AGBL4: variants seen among roughly 807,000 people sequenced by gnomAD.
The protein encoded by AGBL4 is AGBL carboxypeptidase 4, also known as cytosolic carboxypeptidase 6.
A neutral mutation model predicts 66.4 loss-of-function variants in AGBL4; 58 were observed. The ratio of observed to expected loss-of-function variants is 0.87; its 90% CI spans 0.71 to 1.09. The LOEUF (loss-of-function observed/expected upper bound fraction) is 1.09. AGBL4 is among the 50% of genes least tolerant of loss of function. The probability of loss-of-function intolerance (pLI) is 0.00; values close to 1 mark genes in which losing one functional copy is unlikely to be tolerated. For missense variants in AGBL4, 579 were observed against 631.0 expected, an observed-to-expected ratio of 0.92 and a Z score of 0.88; for synonymous variants, 234 against 222.9, an observed-to-expected ratio of 1.05 and a Z score of -0.44.
intron 6 of AGBL4, among the ~76,000 whole-genome samples, chr1:48,771,205 G>A (rs1378718417): frequency 2.0e-5 from 3 of 152,112 alleles, no homozygotes; most frequent in African/African-American, 7.2e-5. Context: ...TCCAGATTAC[G>A]AATGTTCTTC....
intron 1 of AGBL4, among the ~76,000 whole-genome samples, chr1:49,899,041 G>A (rs1649503747): frequency 6.6e-6 from 1 of 152,066 alleles, no homozygotes; most frequent in African/African-American, 2.4e-5. Context: ...GTAGAAGAAA[G>A]AATAAGACCT....
chr1:49,731,534 T>C (rs1271711778), intron 2 of AGBL4, among the ~76,000 whole-genome samples: 1 of 152,180 alleles, frequency 6.6e-6, no homozygotes, highest in Non-Finnish European at 1.5e-5. Flanking sequence ...CTGTTTTAAA[T>C]ACGTTAAATC....
chr1:49,945,278 G>A (rs1655108023), intron 1 of AGBL4, among the ~76,000 whole-genome samples: 1 of 152,062 alleles, frequency 6.6e-6, no homozygotes, highest in Admixed American at 6.6e-5. Flanking sequence ...GTTATCTAAA[G>A]TTAAGACAAA....
intron 2 of AGBL4, among the ~76,000 whole-genome samples, chr1:49,734,501 G>T (rs1405923020): frequency 1.3e-5 from 2 of 151,952 alleles, no homozygotes; most frequent in African/African-American, 4.8e-5. Flanking sequence ...CTGTATATTA[G>T]CAATAAAACA....
intron 9 of AGBL4, among the ~76,000 whole-genome samples, chr1:48,603,564 C>T (rs935027086): frequency 6.6e-6 from 1 of 152,026 alleles, no homozygotes; most frequent in South Asian, 2.1e-4. Flanking sequence ...TTCCAAAGAC[C>T]CTTACATGGA....
intron 3 of AGBL4, among the ~76,000 whole-genome samples, chr1:49,510,324 T>C (rs1038827956): frequency 8.6e-5 from 13 of 151,868 alleles, no homozygotes; most frequent in Non-Finnish European, 1.6e-4. Flanking sequence ...TGCATTTCTC[T>C]GATGGCCAGT....
chr1:49,207,542 T>TTTTCTTTC (rs71056688), intron 4 of AGBL4, among the ~76,000 whole-genome samples: 15,164 of 77,854 alleles, frequency 0.19, 2,032 homozygotes, highest in East Asian at 0.23. Flanking sequence ...TTTTTCTTTC[T>TTTTCTTTC]TTTCTTTCTT....
Position 49,591,343 on chromosome 1 carries a change from C to T in AGBL4, c.282+105970G>A, listed in dbSNP as rs369292002. Among the ~76,000 whole-genome samples the T allele has an allele frequency of 6.8e-4, 102 of 150,818 alleles. 3 individuals carry two copies. The South Asian group carries it at 0.019, about 28-fold the overall frequency. ...TGAAAGAAGAAACATTAGTACTAGCCACACAAAAATTAAAGGAATTGTAAG... is the reference window on the plus strand; with the variant it reads ...TGAAAGAAGAAACATTAGTACTAGCTACACAAAAATTAAAGGAATTGTAAG... On this transcript the variant is annotated intron_variant, in intron 3 of 13. Transcript: ENST00000371839.
intron 5 of AGBL4, among the ~76,000 whole-genome samples, chr1:48,931,082 TG>T (rs1245757742): frequency 2.6e-5 from 4 of 152,212 alleles, no homozygotes; most frequent in Non-Finnish European, 5.9e-5. Flanking sequence ...AAAACTTAAG[TG>T]CCATCTCAAT....
At chr1:48,663,108 A>G (rs1646133425) in intron 7 of AGBL4, 44 bp downstream of exon 7, 13 of 1,575,858 alleles carry the variant, frequency 8.2e-6, no homozygotes, top group Non-Finnish European at 1.1e-5. Flanking sequence ...ACAGTGTCCC[A>G]GTTGGATGTG....
chr1:48,701,800 G>A (rs60827806), intron 6 of AGBL4, among the ~76,000 whole-genome samples: 5,135 of 152,072 alleles, frequency 0.034, 295 homozygotes, highest in African/African-American at 0.12. Context: ...GGGTTTTATT[G>A]TTGAATAAAA....
intron 4 of AGBL4, among the ~76,000 whole-genome samples, chr1:49,113,739 G>A (rs12064069): frequency 0.025 from 3,837 of 152,270 alleles, 137 homozygotes; most frequent in African/African-American, 0.088. Flanking sequence ...TGGATGTAGC[G>A]TTAGCAGGCA....
intron 6 of AGBL4, chr1:48,742,542 G>T: frequency 7.6e-7 from 1 of 1,315,256 alleles, no homozygotes; most frequent in Non-Finnish European, 9.9e-7. Flanking sequence ...GCTGCGATTT[G>T]GAAAGCTCCC....
chr1:49,890,550 G>A (rs1648540095), intron 1 of AGBL4, among the ~76,000 whole-genome samples: 1 of 152,088 alleles, frequency 6.6e-6, no homozygotes, highest in Non-Finnish European at 1.5e-5. Context: ...ATAATACTAT[G>A]GTAGATTTAT....
intron 2 of AGBL4, chr1:49,845,042 C>T: frequency 1.4e-6 from 2 of 1,444,604 alleles, no homozygotes; most frequent in Admixed American, 1.9e-5. Flanking sequence ...GACCTAAATG[C>T]TCTACAGAAA....
At position 49,438,109 on chromosome 1, in the gene AGBL4, T is replaced by C. The variant is rs1352602349; in HGVS notation, c.283-192245A>G. On this transcript the variant is annotated intron_variant, in intron 3 of 13. Transcript: ENST00000371839. ...ACTATATTACTGACTCCATTTTACA[T>C]GTGAGGAAATGGGTTTAGCTAGATG... Among the ~76,000 whole-genome samples, 6 of 152,182 alleles carry C rather than the reference T, an allele frequency of 3.9e-5. No homozygotes were observed. In the East Asian group the frequency reaches 7.7e-4, roughly 20 times the overall value.
At chr1:48,855,719 A>T (rs1024483563) in intron 6 of AGBL4, among the ~76,000 whole-genome samples, 1 of 152,178 alleles carries the variant, frequency 6.6e-6, no homozygotes, top group African/African-American at 2.4e-5. Context: ...AGGGCAAAAC[A>T]TCTAGAAATA....
At chr1:48,988,002 A>G (rs1660309130) in intron 5 of AGBL4, among the ~76,000 whole-genome samples, 1 of 152,098 alleles carries the variant, frequency 6.6e-6, no homozygotes, top group Non-Finnish European at 1.5e-5. Context: ...CCATGCACTC[A>G]AGAAAGCTGT....
chr1:49,076,486 T>G (rs1009027026), intron 4 of AGBL4, among the ~76,000 whole-genome samples: 3 of 152,200 alleles, frequency 2.0e-5, no homozygotes, highest in African/African-American at 7.2e-5. Context: ...AGCTCTAAAA[T>G]GCTACTCTAA....
Sources: allele counts gnomAD v4.1 joint callset (sites outside exome capture counted in the v4.1 genomes callset), GRCh38; gene constraint gnomAD v4.1.1; transcripts MANE v1.5; gene names NCBI Gene and HGNC (gene_info 2026-07-23, HGNC 2026-07-21).